The following SLC12A7 variants were observed in gnomAD, a reference collection of about 807,000 sequenced individuals.
SLC12A7 encodes the protein K-Cl cotransporter 4.
In SLC12A7, 100 loss-of-function variants were observed where a neutral mutation model predicts 120.6. The ratio of observed to expected loss-of-function variants is 0.83; its 90% CI spans 0.71 to 0.98. The LOEUF is 0.98. Ranked by LOEUF, SLC12A7 falls within the 50% of genes least tolerant of loss-of-function variation. SLC12A7 has a pLI of 0.00. For missense variants in SLC12A7, 1,373 were observed against 1,548.1 expected, an observed-to-expected ratio of 0.89 and a Z score of 1.90; for synonymous variants, 760 against 678.0, an observed-to-expected ratio of 1.12 and a Z score of -1.88.
rs375196633 is a variant in SLC12A7 at position 1,074,668 on chromosome 5, G to C, written c.1971C>G (p.Ala657=). 3.1e-6 allele frequency: 5 copies of C among 1,612,466 alleles called. No individual in the cohort carries two copies. Among genetic ancestry groups the C allele is most frequent in the Non-Finnish European group, 4.2e-6 (5 of 1,179,838 alleles). The change falls in exon 16 of 24, where the codon GCC becomes GCG. Residue 657 remains alanine, a synonymous_variant. Transcript: ENST00000264930. ...GGATGCCATCGCCCCACTCCTTCTC[G>C]GCCCTGTGGGAAAGGAAGTCGGGGT... ...CIYKYIEYRG[A]EKEWGDGIRG... is the part of the protein sequence containing the mutation.
chr5:1,052,246 G>T lies in SLC12A7; in HGVS notation c.*114C>A. 1.1e-6 allele frequency: 1 copy of T among 886,298 alleles called. No homozygotes were observed. Among genetic ancestry groups the T allele is most frequent in the Non-Finnish European group, 1.9e-6 (1 of 532,410 alleles). The allele number at this position is 886,298 out of a possible 1,614,324, so 54.9% of individuals were successfully genotyped here. ...AGGAAGCCCCATGGGCAGCTTGGGCGGCATCACTGGGGGACAGGTGTGTCT... is the reference window on the plus strand; with the variant it reads ...AGGAAGCCCCATGGGCAGCTTGGGCTGCATCACTGGGGGACAGGTGTGTCT... On this transcript the variant is annotated 3_prime_UTR_variant, in exon 24 of 24. Coordinates refer to ENST00000264930, the MANE Select transcript of SLC12A7 (RefSeq NM_006598.3).
chr5:1,129,411 C>T, the SLC12A7 span, among the ~76,000 whole-genome samples: 1 of 152,204 alleles, frequency 6.6e-6, no homozygotes, highest in Middle Eastern at 3.2e-3. Context: ...GTGTCCCGAG[C>T]ATCCCAGGCC....
chr5:1,111,963 A>C lies in SLC12A7; in HGVS notation c.29T>G (p.Val10Gly), dbSNP rs1743051811. The change falls in exon 1 of 24, where the codon GTG becomes GGG. Residue 10 changes from valine (V) to glycine (G), a missense_variant. Transcript: ENST00000264930. MPTNFTVVP[V>G]EAHADGGGDE... The stretch of plus-strand genomic sequence containing the variant: ...CCCGCCGCCGTCGGCGTGAGCCTCC[A>C]CGGGCACCACGGTGAAGTTGGTGGG... 1 of 1,290,832 alleles carries C rather than the reference A, an allele frequency of 7.7e-7. No individual in the cohort carries two copies. The highest frequency in any genetic ancestry group is 3.2e-5 in the Admixed American group (1 of 31,672). The allele number at this position is 1,290,832 out of a possible 1,614,324, so 80.0% of individuals were successfully genotyped here. A position where few individuals can be genotyped will look rare whatever the true frequency, so the allele number is the denominator to read the frequency against.
At chr5:1,077,410 C>T (rs369395052) in intron 12 of SLC12A7, among the ~76,000 whole-genome samples, 1 of 152,180 alleles carries the variant, frequency 6.6e-6, no homozygotes, top group Non-Finnish European at 1.5e-5. Flanking sequence ...AGGACCCATG[C>T]GGGCGTCCGT....
At chr5:1,073,498 C>G in intron 17 of SLC12A7, 135 bp downstream of exon 17, 1 of 1,037,818 alleles carries the variant, frequency 9.6e-7, no homozygotes, top group Non-Finnish European at 1.3e-6. Context: ...AGCTCAAAGC[C>G]ACCGCCACGG....
intron 17 of SLC12A7, among the ~76,000 whole-genome samples, chr5:1,066,602 T>C (rs1737079526): frequency 6.6e-6 from 1 of 152,168 alleles, no homozygotes; most frequent in African/African-American, 2.4e-5. Flanking sequence ...AACCTGTCTT[T>C]ATGGATGTAT....
At chr5:1,122,618 G>A in the SLC12A7 span, among the ~76,000 whole-genome samples, 1 of 152,216 alleles carries the variant, frequency 6.6e-6, no homozygotes, top group East Asian at 1.9e-4. Flanking sequence ...CCTCTCCCCA[G>A]CCTGGCACCT....
chr5:1,085,501 CG>C, intron 6 of SLC12A7, 28 bp from the exon 7 acceptor site: 1 of 1,558,474 alleles, frequency 6.4e-7, no homozygotes, highest in Non-Finnish European at 8.7e-7. Flanking sequence ...GTCGGGAGGC[CG>C]TCCCCGGACA....
chr5:1,112,369 C>G (rs1379114088), upstream of SLC12A7, among the ~76,000 whole-genome samples: 2 of 102,906 alleles, frequency 1.9e-5, no homozygotes, highest in African/African-American at 8.0e-5. Flanking sequence ...CCCGCCTCCC[C>G]TCTTGTCCCC....
At chr5:1,094,791 G>A (rs1227287624) in intron 1 of SLC12A7, among the ~76,000 whole-genome samples, 3 of 152,158 alleles carry the variant, frequency 2.0e-5, no homozygotes, top group African/African-American at 7.2e-5. Flanking sequence ...TGAGGACGCC[G>A]CCCACAGGCT....
upstream of SLC12A7, among the ~76,000 whole-genome samples, chr5:1,114,814 T>C (rs1743251395): frequency 1.3e-5 from 2 of 152,128 alleles, no homozygotes; most frequent in Admixed American, 1.3e-4. Flanking sequence ...CCGTCCGCAG[T>C]CGTTGGTGCT....
At position 1,086,917 on chromosome 5, in the gene SLC12A7, T is replaced by C. The variant is rs1739921392; in HGVS notation, c.661A>G (p.Ile221Val). The C allele has an allele frequency of 1.2e-6, 2 of 1,612,692 alleles. No homozygotes were observed. Among genetic ancestry groups the C allele is most frequent in the Non-Finnish European group, 1.7e-6 (2 of 1,179,836 alleles). The part of the protein sequence containing the change: ...FAGAMYILGT[I>V]EIFLTYISPG... ...AGCACACTTACCAGAAAAATCTCGA[T>C]GGTCCCCAAAATATACATGGCCCCT... The change falls in exon 6 of 24, where the codon ATC becomes GTC. Residue 221 changes from isoleucine to valine, a missense_variant. Ile to Val is a conservative substitution (Grantham distance 29). Transcript: ENST00000264930.
intron 7 of SLC12A7, among the ~76,000 whole-genome samples, chr5:1,084,596 C>T (rs975969889): frequency 4.6e-5 from 7 of 152,336 alleles, no homozygotes; most frequent in South Asian, 2.1e-4. Context: ...GACGGGTCCC[C>T]GAGGGGGAGG....
the SLC12A7 span, among the ~76,000 whole-genome samples, chr5:1,121,540 C>A: frequency 5.9e-5 from 9 of 152,244 alleles, no homozygotes; most frequent in African/African-American, 2.2e-4. Flanking sequence ...AAAGAGAAGG[C>A]AGCGGCATTG....
chr5:1,061,668 G>C (rs918718249), intron 20 of SLC12A7, among the ~76,000 whole-genome samples: 2 of 152,254 alleles, frequency 1.3e-5, no homozygotes, highest in Admixed American at 1.3e-4. Context: ...CAGCACACCA[G>C]ATCAGGTGCG....
chr5:1,069,117 C>T (rs1301080918), intron 17 of SLC12A7, among the ~76,000 whole-genome samples: 2 of 152,272 alleles, frequency 1.3e-5, no homozygotes, highest in African/African-American at 4.8e-5. Flanking sequence ...TGAGCCATGA[C>T]GCCGCCGTCA....
rs931426827 is a variant in SLC12A7, at chr5:1,076,580, C to A, written c.1748+114G>T. 1.4e-5 allele frequency: 11 copies of A among 774,016 alleles called. No homozygotes were observed. The Middle Eastern group carries it at 1.1e-3, about 77-fold the overall frequency. The allele number at this position is 774,016 out of a possible 1,614,324, so 47.9% of individuals were successfully genotyped here. A position where few individuals can be genotyped will look rare whatever the true frequency, so the allele number is the denominator to read the frequency against. ...CCCTTCCCGGCAGGATCCTGACTGC[C>A]CACAGCTGGCCATGCCTGTCTACTG... On this transcript the variant is annotated intron_variant, in intron 13 of 23. Coordinates refer to ENST00000264930, the MANE Select transcript of SLC12A7 (RefSeq NM_006598.3).
intron 1 of SLC12A7, among the ~76,000 whole-genome samples, chr5:1,098,801 C>A (rs1188258121): frequency 7.8e-6 from 1 of 127,430 alleles, no homozygotes; most frequent in Non-Finnish European, 1.8e-5. Context: ...CTCTAACCCT[C>A]TGCTCACCCA....
the SLC12A7 span, among the ~76,000 whole-genome samples, chr5:1,154,037 C>T: frequency 3.2e-4 from 48 of 152,202 alleles, no homozygotes; most frequent in East Asian, 8.5e-3. Context: ...CATCTCCACA[C>T]GCATGTGTTC....
Sources: gnomAD v4.1 joint callset for allele counts (sites outside exome capture counted in the v4.1 genomes callset) on GRCh38, gnomAD v4.1.1 for gene constraint, MANE v1.5 for transcripts, NCBI Gene and HGNC (gene_info 2026-07-23, HGNC 2026-07-21) for gene names.